RIMS2: variants seen among roughly 807,000 people sequenced by gnomAD.
The protein encoded by RIMS2 is regulating synaptic membrane exocytosis 2, also known as regulating synaptic membrane exocytosis protein 2.
Under a neutral mutation model 174.4 loss-of-function variants are expected in RIMS2, and 59 were observed. That is an observed-to-expected ratio of 0.34 (90% CI 0.27 to 0.42). The LOEUF is 0.42. Ranked by LOEUF, RIMS2 falls within the 10% of genes least tolerant of loss-of-function variation. RIMS2 has a pLI of 1.00. For synonymous variants in RIMS2, 606 were observed against 572.5 expected, an observed-to-expected ratio of 1.06 and a Z score of -0.84; for missense variants, 1,620 against 1,666.3, an observed-to-expected ratio of 0.97 and a Z score of 0.48.
exon 16 of RIMS2, chr8:103,975,446 A>G: frequency 6.2e-7 from 1 of 1,610,890 alleles, no homozygotes; most frequent in Non-Finnish European, 8.5e-7. Context: ...GGGTCTCCTC[A>G]TCGAGTAGAT....
intron 19 of RIMS2, among the ~76,000 whole-genome samples, chr8:104,178,850 G>T (rs956189928): frequency 2.0e-5 from 3 of 151,990 alleles, no homozygotes; most frequent in Non-Finnish European, 4.4e-5. Flanking sequence ...TACCAACATC[G>T]TGGTAGCAAC....
intron 9 of RIMS2, among the ~76,000 whole-genome samples, chr8:103,921,249 T>C (rs2077597036): frequency 6.6e-6 from 1 of 152,196 alleles, no homozygotes; most frequent in Non-Finnish European, 1.5e-5. Context: ...GTTTTAAAAA[T>C]TTAATAATTT....
At chr8:103,514,966 A>T (rs1325381416) in intron 1 of RIMS2, among the ~76,000 whole-genome samples, 2 of 151,894 alleles carry the variant, frequency 1.3e-5, no homozygotes, top group Non-Finnish European at 2.9e-5. Context: ...AAAAAACTTC[A>T]TTTTTTTCTG....
chr8:103,610,998 C>T lies in RIMS2; in HGVS notation c.177-86088C>T, dbSNP rs149227732. On this transcript the variant is annotated intron_variant, in intron 1 of 23. Transcript: ENST00000504942. ...GGATTTTTATTACTGATTCAATTAT[C>T]GAACTCATTATCGGCCTGTTCAGGG... 2.3e-3 allele frequency among the ~76,000 whole-genome samples: 356 copies of T among 152,180 alleles called. 2 individuals carry two copies. Among genetic ancestry groups the T allele is most frequent in the African/African-American group, 8.1e-3 (336 of 41,530 alleles).
chr8:103,915,211 T>C (rs1275365623), intron 6 of RIMS2, among the ~76,000 whole-genome samples: 1 of 152,072 alleles, frequency 6.6e-6, no homozygotes. Flanking sequence ...CAAGAATTCC[T>C]GAATCAGGAC....
At chr8:103,737,269 C>T (rs746592157) in intron 2 of RIMS2, among the ~76,000 whole-genome samples, 63 of 149,862 alleles carry the variant, frequency 4.2e-4, no homozygotes, top group African/African-American at 6.4e-4. Context: ...CTGCATCCTC[C>T]GCCTCCCAGG....
intron 1 of RIMS2, among the ~76,000 whole-genome samples, chr8:103,677,038 G>A (rs951632352): frequency 6.6e-6 from 1 of 152,114 alleles, no homozygotes; most frequent in African/African-American, 2.4e-5. Context: ...GAATGTTTCA[G>A]TGTAATTTTA....
chr8:103,770,726 ATTTTT>A (rs11368780), intron 3 of RIMS2, among the ~76,000 whole-genome samples: 1 of 147,774 alleles, frequency 6.8e-6, no homozygotes, highest in South Asian at 2.2e-4. Flanking sequence ...AATTAAACCT[ATTTTT>A]TTTTTGTTCC....
intron 19 of RIMS2, among the ~76,000 whole-genome samples, chr8:104,190,551 A>T (rs1008296230): frequency 3.9e-5 from 6 of 151,990 alleles, no homozygotes; most frequent in Non-Finnish European, 5.9e-5. Context: ...TTTTGTCTTT[A>T]TGATGCAAGT....
chr8:103,563,576 A>C (rs1402743788), intron 1 of RIMS2, among the ~76,000 whole-genome samples: 3 of 151,886 alleles, frequency 2.0e-5, no homozygotes, highest in Non-Finnish European at 4.4e-5. Context: ...ACTTTCCCAT[A>C]TTTTTCTTTC....
intron 1 of RIMS2, among the ~76,000 whole-genome samples, chr8:103,531,795 T>G (rs1451738024): frequency 6.6e-6 from 1 of 152,196 alleles, no homozygotes; most frequent in Non-Finnish European, 1.5e-5. Flanking sequence ...GAAAATTAAG[T>G]GAAAAAACCA....
chr8:103,911,966 A>G (rs1327961481), intron 5 of RIMS2, 87 bp from the exon 9 acceptor site: 2 of 1,047,772 alleles, frequency 1.9e-6, no homozygotes, highest in East Asian at 2.7e-5. Context: ...AGGTCGTACA[A>G]TCAGAGATCA....
rs568169199 is a variant in RIMS2, at chr8:103,528,568, G to A, written c.176+27506G>A. ...TAGTCCATCTTGAATTAATTTTTGT[G>A]TAAGGTGTAAGGAAGGGATTCAGTT... On this transcript the variant is annotated intron_variant, in intron 1 of 23. Transcript: ENST00000504942. 2.0e-3 allele frequency among the ~76,000 whole-genome samples: 299 copies of A among 152,266 alleles called. 4 individuals carry two copies. The highest frequency in any genetic ancestry group is 6.7e-3 in the African/African-American group (278 of 41,542).
chr8:104,236,706 G>C (rs1322540704), intron 19 of RIMS2, among the ~76,000 whole-genome samples: 2 of 151,900 alleles, frequency 1.3e-5, no homozygotes, highest in Non-Finnish European at 2.9e-5. Flanking sequence ...TATATACAAA[G>C]AGCAGACGAA....
chr8:103,629,670 A>C (rs1291916232), intron 1 of RIMS2, among the ~76,000 whole-genome samples: 1 of 152,198 alleles, frequency 6.6e-6, no homozygotes, highest in Non-Finnish European at 1.5e-5. Context: ...CAACACTAAG[A>C]TGATATAGAT....
At chr8:103,689,959 C>CT (rs35912055) in intron 1 of RIMS2, among the ~76,000 whole-genome samples, 56,465 of 137,378 alleles carry the variant, frequency 0.41, 12,203 homozygotes, top group East Asian at 0.77. Flanking sequence ...CTCCATGTGT[C>CT]TTTTTTTTTT....
rs1321163454 is a variant in RIMS2 at position 104,148,672 on chromosome 8, C to T, written c.3335-96244C>T. 1.9e-6 allele frequency: 3 copies of T among 1,598,030 alleles called. No homozygotes were observed. The African/African-American group carries it at 4.0e-5, about 21-fold the overall frequency. On this transcript the variant is annotated intron_variant, in intron 19 of 23. Transcript: ENST00000504942. ...TCAGGGAAGAACATGACAAAAAGCA[C>T]CAGCATCAGTGGAGACATGTGCTCA...
At chr8:103,590,140 C>G (rs1271941078) in intron 1 of RIMS2, among the ~76,000 whole-genome samples, 1 of 151,400 alleles carries the variant, frequency 6.6e-6, no homozygotes, top group Non-Finnish European at 1.5e-5. Context: ...CCACATTCTT[C>G]AGGATGTGCT....
chr8:103,795,493 T>A, intron 3 of RIMS2, among the ~76,000 whole-genome samples: 1 of 152,018 alleles, frequency 6.6e-6, no homozygotes, highest in East Asian at 1.9e-4. Context: ...AATGAGTTAA[T>A]GCGTGCAGCA....
Sources: allele counts gnomAD v4.1 joint callset (sites outside exome capture counted in the v4.1 genomes callset), GRCh38; gene constraint gnomAD v4.1.1; transcripts MANE v1.5; gene names NCBI Gene and HGNC (gene_info 2026-07-23, HGNC 2026-07-21).